SORCS2: variants seen among roughly 807,000 people sequenced by gnomAD.
The protein encoded by SORCS2 is VPS10 domain-containing receptor SorCS2.
Under a neutral mutation model 141.6 loss-of-function variants are expected in SORCS2, and 100 were observed. That is an observed-to-expected ratio of 0.71 (90% CI 0.60 to 0.83). SORCS2 has a LOEUF of 0.83. Among genes scored for constraint, SORCS2 ranks in the 40% least tolerant of loss-of-function variants. SORCS2 has a pLI of 0.00. For synonymous variants in SORCS2, 789 were observed against 676.9 expected (o/e 1.17, Z -2.57); for missense variants, 1,646 against 1,560.2 (o/e 1.05, Z -0.93).
chr4:7,515,023 G>A (rs1473187370), intron 2 of SORCS2, among the ~76,000 whole-genome samples: 1 of 152,200 alleles, frequency 6.6e-6, no homozygotes, highest in African/African-American at 2.4e-5. Context: ...CCAGACTTGT[G>A]GCGTTAGTTA....
chr4:7,223,644 A>G (rs1254642534), intron 1 of SORCS2, among the ~76,000 whole-genome samples: 1 of 152,152 alleles, frequency 6.6e-6, no homozygotes, highest in Non-Finnish European at 1.5e-5. Context: ...TTCTCTAGAC[A>G]TGTCCACCAA....
intron 23 of SORCS2, among the ~76,000 whole-genome samples, chr4:7,730,646 G>A (rs1010222150): frequency 4.6e-5 from 7 of 152,206 alleles, no homozygotes; most frequent in Admixed American, 6.5e-5. Context: ...AAAAGACCAC[G>A]TAGCGTACAA....
chr4:7,665,280 AAGGAGTTAGGCGCTAGGGCAGGCAG>A (rs1161868055), intron 7 of SORCS2, among the ~76,000 whole-genome samples: 1 of 152,128 alleles, frequency 6.6e-6, no homozygotes, highest in East Asian at 1.9e-4. Context: ...AAGGGCCACC[AAGGAGTTAGGCGCTAGGGCAGGCAG>A]TGGGCATCCC....
intron 14 of SORCS2, among the ~76,000 whole-genome samples, chr4:7,707,315 C>T (rs1725534607): frequency 6.6e-6 from 1 of 152,186 alleles, no homozygotes; most frequent in South Asian, 2.1e-4. Context: ...CAGAGGACAC[C>T]TAGTCTGCCT....
intron 3 of SORCS2, among the ~76,000 whole-genome samples, chr4:7,613,635 G>C (rs1718566924): frequency 6.6e-6 from 1 of 152,112 alleles, no homozygotes; most frequent in African/African-American, 2.4e-5. Flanking sequence ...GACACTGCTT[G>C]TGGAGATATC....
At chr4:7,476,895 A>T (rs1730331253) in intron 2 of SORCS2, among the ~76,000 whole-genome samples, 1 of 152,216 alleles carries the variant, frequency 6.6e-6, no homozygotes, top group Non-Finnish European at 1.5e-5. Flanking sequence ...GCCAGGTTCA[A>T]ATCTCCAACT....
intron 4 of SORCS2, among the ~76,000 whole-genome samples, chr4:7,640,423 CGT>C (rs1227218526): frequency 5.3e-5 from 4 of 75,942 alleles, no homozygotes; most frequent in Admixed American, 1.2e-4. Context: ...TGTGTGTGAT[CGT>C]GTGTGTGAGT....
intron 1 of SORCS2, among the ~76,000 whole-genome samples, chr4:7,296,488 C>G (rs984242696): frequency 6.6e-6 from 1 of 152,182 alleles, no homozygotes; most frequent in Non-Finnish European, 1.5e-5. Flanking sequence ...GGTTGGGGCC[C>G]TCTGCGGGAC....
chr4:7,377,074 C>G (rs4524381), intron 1 of SORCS2, among the ~76,000 whole-genome samples: 106,275 of 152,096 alleles, frequency 0.7, 37,431 homozygotes, highest in East Asian at 0.94. Flanking sequence ...TTTCTGTATG[C>G]GTGTGGAAGT....
chr4:7,227,778 C>A (rs184847356), intron 1 of SORCS2, among the ~76,000 whole-genome samples: 1 of 152,194 alleles, frequency 6.6e-6, no homozygotes, highest in Non-Finnish European at 1.5e-5. Flanking sequence ...TCAGGCAGAG[C>A]GGCTAAACGC....
chr4:7,224,771 G>C (rs1202024751), intron 1 of SORCS2, among the ~76,000 whole-genome samples: 1 of 152,016 alleles, frequency 6.6e-6, no homozygotes, highest in Non-Finnish European at 1.5e-5. Context: ...AGGGGCCCCT[G>C]TGGACCTCCC....
In SORCS2 at chr4:7,605,144, C is replaced by T. The variant is rs576230478; in HGVS notation, c.649-33184C>T. On this transcript the variant is annotated intron_variant, in intron 3 of 26. Coordinates refer to ENST00000507866, the MANE Select transcript of SORCS2 (RefSeq NM_020777.3). ...TGTTTCTTCTTTATACCTCACTCTG[C>T]CTGGCTTCCACTTCCAACAAGGTCC... is the stretch of plus-strand genomic sequence containing the variant. Among the ~76,000 whole-genome samples the T allele has an allele frequency of 5.3e-5, 8 of 152,280 alleles. No individual in the cohort carries two copies. In the South Asian group the frequency reaches 1.2e-3, roughly 24 times the overall value.
chr4:7,676,803 GTCTCTC>G (rs1182959755), intron 9 of SORCS2, among the ~76,000 whole-genome samples: 6 of 37,230 alleles, frequency 1.6e-4, no homozygotes, highest in South Asian at 1.1e-3. Context: ...CTGCCTTTCT[GTCTCTC>G]TCTCTCTCTC....
At chr4:7,687,634 T>A (rs1723960290) in intron 10 of SORCS2, among the ~76,000 whole-genome samples, 1 of 152,086 alleles carries the variant, frequency 6.6e-6, no homozygotes, top group Non-Finnish European at 1.5e-5. Flanking sequence ...AGTCCCTCAG[T>A]CATCTTCAGG....
At chr4:7,299,417 T>A (rs1560174267) in intron 1 of SORCS2, among the ~76,000 whole-genome samples, 1 of 152,344 alleles carries the variant, frequency 6.6e-6, no homozygotes, top group East Asian at 1.9e-4. Context: ...AGTTCCTTTC[T>A]GTATGGATCG....
At chr4:7,347,072 G>A (rs1720690354) in intron 1 of SORCS2, among the ~76,000 whole-genome samples, 1 of 152,164 alleles carries the variant, frequency 6.6e-6, no homozygotes, top group Admixed American at 6.5e-5. Context: ...AAAAAATTTA[G>A]TGCTTGAGGA....
intron 1 of SORCS2, among the ~76,000 whole-genome samples, chr4:7,325,908 GGGGGT>G (rs1446901135): frequency 2.6e-5 from 4 of 152,164 alleles, no homozygotes; most frequent in African/African-American, 7.2e-5. Context: ...GGCGGAGTTG[GGGGGT>G]TGGTACGCGG....
intron 1 of SORCS2, among the ~76,000 whole-genome samples, chr4:7,320,410 T>C (rs1382445504): frequency 6.6e-6 from 1 of 152,198 alleles, no homozygotes; most frequent in Non-Finnish European, 1.5e-5. Context: ...TACTGATGTC[T>C]AGAAAGGATG....
At chr4:7,631,765 G>C (rs746285499) in intron 3 of SORCS2, among the ~76,000 whole-genome samples, 2 of 152,144 alleles carry the variant, frequency 1.3e-5, no homozygotes, top group Admixed American at 1.3e-4. Context: ...AAGAATGAAT[G>C]GGAGTCCCTC....
Sources: allele counts gnomAD v4.1 joint callset (sites outside exome capture counted in the v4.1 genomes callset), GRCh38; gene constraint gnomAD v4.1.1; transcripts MANE v1.5; gene names NCBI Gene and HGNC (gene_info 2026-07-23, HGNC 2026-07-21).